The following BRF1 variants were observed in gnomAD, a reference collection of about 807,000 sequenced individuals.
The protein encoded by BRF1 is transcription factor IIIB 90 kDa subunit.
BRF1 carries 59 observed loss-of-function variants against 81.7 expected under a neutral mutation model. The ratio of observed to expected loss-of-function variants is 0.72; its 90% CI spans 0.59 to 0.90. The LOEUF is 0.90. Among genes scored for constraint, BRF1 ranks in the 40% least tolerant of loss-of-function variants. The pLI is 0.00. For missense variants in BRF1, 1,050 were observed against 936.3 expected (o/e 1.12, Z -1.58); for synonymous variants, 491 against 395.6 (o/e 1.24, Z -2.86).
rs1479706855 is a variant in BRF1, at chr14:105,209,629, C to T, written c.*922G>A. 1 of 695,526 alleles carries T rather than the reference C, an allele frequency of 1.4e-6. No homozygotes were observed. The highest frequency in any genetic ancestry group is 2.6e-6 in the Non-Finnish European group (1 of 380,282). The allele number at this position is 695,526 out of a possible 1,614,324, so 43.1% of individuals were successfully genotyped here. A position where few individuals can be genotyped will look rare whatever the true frequency, so the allele number is the denominator to read the frequency against. ...AAGAGGCCTGGGGAGGCTCTCGGGC[C>T]TCCGTCTGCCCTCCCTCCTCGATGG... On this transcript the variant is annotated 3_prime_UTR_variant, in exon 18 of 18. Coordinates refer to ENST00000547530, the MANE Select transcript of BRF1 (RefSeq NM_001519.4).
chr14:105,219,642 T>A (rs1176912481), intron 12 of BRF1: 9 of 395,746 alleles, frequency 2.3e-5, no homozygotes, highest in Non-Finnish European at 3.7e-5. Flanking sequence ...ACTTCCTGCC[T>A]GACAGAGGGC....
intron 15 of BRF1, among the ~76,000 whole-genome samples, chr14:105,214,512 G>A (rs1318644675): frequency 8.0e-6 from 1 of 125,718 alleles, no homozygotes; most frequent in Non-Finnish European, 1.6e-5. Context: ...TGGCTCAGCT[G>A]CCCACACCCC....
intron 5 of BRF1, chr14:105,248,410 G>C (rs929928396): frequency 1.0e-6 from 1 of 985,404 alleles, no homozygotes; most frequent in East Asian, 1.1e-4. Flanking sequence ...CGCCTTCCAC[G>C]GCTACCTCTG....
At chr14:105,249,048 C>G in intron 5 of BRF1, 5 of 1,282,968 alleles carry the variant, frequency 3.9e-6, no homozygotes, top group Non-Finnish European at 4.9e-6. Flanking sequence ...CCAGGAGAGC[C>G]CCGGCTGGCG....
chr14:105,249,456 G>C, intron 5 of BRF1: 1 of 1,613,456 alleles, frequency 6.2e-7, no homozygotes, highest in Non-Finnish European at 8.5e-7. Flanking sequence ...CGTGGAGCCC[G>C]CAGCCTTTCT....
At chr14:105,241,048 C>T (rs892265564) in intron 6 of BRF1, among the ~76,000 whole-genome samples, 1 of 152,360 alleles carries the variant, frequency 6.6e-6, no homozygotes, top group Non-Finnish European at 1.5e-5. Context: ...GAGAGTTCTG[C>T]CCCTTATGCC....
At chr14:105,314,966 C>G in intron 1 of BRF1, 1 of 1,220,060 alleles carries the variant, frequency 8.2e-7, no homozygotes, top group Non-Finnish European at 1.0e-6. Context: ...CCGGCGCGCT[C>G]AACACGCCCG....
chr14:105,216,948 G>GC (rs1038448903), intron 15 of BRF1, among the ~76,000 whole-genome samples: 2 of 152,208 alleles, frequency 1.3e-5, no homozygotes, highest in African/African-American at 4.8e-5. Flanking sequence ...GAGCCCAGCT[G>GC]CCCATGGCCT....
At chr14:105,226,005 G>A in intron 10 of BRF1, 64 bp downstream of exon 10, 1 of 1,435,744 alleles carries the variant, frequency 7.0e-7, no homozygotes. Context: ...TGATCCTGAA[G>A]AGATCTGCTG....
chr14:105,254,636 A>G (rs587663990), intron 4 of BRF1, among the ~76,000 whole-genome samples: 1 of 152,150 alleles, frequency 6.6e-6, no homozygotes, highest in East Asian at 1.9e-4. Flanking sequence ...ATCGTGACTC[A>G]CTGCAACCTC....
intron 6 of BRF1, 141 bp downstream of exon 6, chr14:105,241,124 G>A (rs781658719): frequency 2.3e-5 from 31 of 1,372,212 alleles, no homozygotes; most frequent in Non-Finnish European, 2.7e-5. Flanking sequence ...GGTGGGCCAG[G>A]CCAGAGTCAG....
upstream of BRF1, among the ~76,000 whole-genome samples, chr14:105,302,061 C>T (rs886679009): frequency 6.6e-6 from 1 of 151,934 alleles, no homozygotes; most frequent in Admixed American, 6.6e-5. Flanking sequence ...ACCACTTGAA[C>T]CTGAGAGGTG....
At chr14:105,244,375 T>C (rs587730460) in intron 5 of BRF1, among the ~76,000 whole-genome samples, 5 of 152,142 alleles carry the variant, frequency 3.3e-5, no homozygotes, top group African/African-American at 9.6e-5. Flanking sequence ...GTCCAGGAGG[T>C]CGGGGCTGCA....
At chr14:105,296,742 A>G (rs1264111235) in intron 1 of BRF1, among the ~76,000 whole-genome samples, 1 of 152,150 alleles carries the variant, frequency 6.6e-6, no homozygotes. Context: ...AAGCCATAGG[A>G]AACAGGACAA....
At position 105,241,429 on chromosome 14, in the gene BRF1, G is replaced by C; in HGVS notation, c.545-15C>G. The C allele has an allele frequency of 1.2e-6, 2 of 1,609,188 alleles. No homozygotes were observed. Among genetic ancestry groups the C allele is most frequent in the Non-Finnish European group, 1.7e-6 (2 of 1,179,802 alleles). ...CAGGCACGGGTCTGCGGCAGACACA[G>C]CACCTCAGTGCCCACCTCCATGTGC... On this transcript the variant is annotated splice_polypyrimidine_tract_variant and intron_variant, in intron 5 of 17. Transcript: ENST00000547530.
intron 1 of BRF1, among the ~76,000 whole-genome samples, chr14:105,295,334 G>A (rs908330254): frequency 1.3e-5 from 2 of 149,750 alleles, no homozygotes; most frequent in African/African-American, 2.5e-5. Flanking sequence ...AAAAATTGGC[G>A]TTGGCTCACA....
Position 105,272,162 on chromosome 14 carries a change from A to G in BRF1, c.439+559T>C, listed in dbSNP as rs78791769. On this transcript the variant is annotated intron_variant, in intron 3 of 17. Transcript: ENST00000547530. ...CACCGCCTGCGGTCACGGTGTCCAC[A>G]CACAAGGCCAAGCTGCACACCGCTG... Among the ~76,000 whole-genome samples the G allele has an allele frequency of 3.8e-3, 374 of 98,438 alleles. 42 individuals carry two copies. Among genetic ancestry groups the G allele is most frequent in the Non-Finnish European group, 4.8e-3 (230 of 47,746 alleles). The allele number at this position is 98,438 out of a possible 152,430, so 64.6% of individuals were successfully genotyped here.
intron 5 of BRF1, chr14:105,248,202 C>G (rs897078396): frequency 1.0e-6 from 1 of 985,396 alleles, no homozygotes; most frequent in Non-Finnish European, 1.2e-6. Flanking sequence ...CAAGCTAAAT[C>G]GCGAAGCATC....
At chr14:105,225,597 A>G (rs977284120) in intron 10 of BRF1, among the ~76,000 whole-genome samples, 2 of 152,208 alleles carry the variant, frequency 1.3e-5, no homozygotes, top group Non-Finnish European at 2.9e-5. Context: ...AATATCTTTG[A>G]CATATTTTGA....
Sources: gnomAD v4.1 joint callset for allele counts (sites outside exome capture counted in the v4.1 genomes callset) on GRCh38, gnomAD v4.1.1 for gene constraint, MANE v1.5 for transcripts, NCBI Gene and HGNC (gene_info 2026-07-23, HGNC 2026-07-21) for gene names.